Variants in SCFD2 observed in about 807,000 individuals in gnomAD.
SCFD2 encodes sec1 family domain-containing protein 2.
Under a neutral mutation model 58.9 loss-of-function variants are expected in SCFD2, and 54 were observed. The observed-to-expected ratio is 0.92, with a 90% confidence interval of 0.74 to 1.15. The LOEUF (loss-of-function observed/expected upper bound fraction) is 1.15, where lower values mean the gene tolerates loss of function less well. Ranked by LOEUF, SCFD2 falls within the 50% of genes most tolerant of loss-of-function variation. The pLI, the probability that SCFD2 is intolerant of heterozygous loss-of-function variation, is 0.00. For synonymous variants in SCFD2, 321 were observed against 335.9 expected (o/e 0.96, Z 0.49); for missense variants, 805 against 836.6 (o/e 0.96, Z 0.47).
At chr4:53,251,584 A>C (rs981670156) in intron 4 of SCFD2, among the ~76,000 whole-genome samples, 9 of 152,120 alleles carry the variant, frequency 5.9e-5, no homozygotes, top group South Asian at 4.1e-4. Flanking sequence ...TCAATATATG[A>C]AAATCAATAA....
chr4:53,032,120 G>T (rs1198569551), intron 5 of SCFD2, among the ~76,000 whole-genome samples: 3 of 152,230 alleles, frequency 2.0e-5, no homozygotes, highest in African/African-American at 7.2e-5. Context: ...CCAGAAGAGA[G>T]TGGGGGCCAA....
intron 4 of SCFD2, among the ~76,000 whole-genome samples, chr4:53,186,082 C>A (rs1727728661): frequency 6.6e-6 from 1 of 152,268 alleles, no homozygotes; most frequent in East Asian, 1.9e-4. Flanking sequence ...TAGGTCTTGA[C>A]TGCATGCCAG....
Position 52,934,318 on chromosome 4 carries a change from C to T in SCFD2, c.1562-13448G>A, listed in dbSNP as rs146276330. Among the ~76,000 whole-genome samples, 985 of 152,306 alleles carry T rather than the reference C, an allele frequency of 6.5e-3. 14 individuals are homozygous for T. Among genetic ancestry groups the T allele is most frequent in the Middle Eastern group, 0.041 (12 of 294 alleles). On this transcript the variant is annotated intron_variant, in intron 5 of 8. Coordinates refer to ENST00000401642, the MANE Select transcript of SCFD2 (RefSeq NM_152540.4). ...GCCCCCCAAGTTGCCACAATGGTTT[C>T]ACTGTGAGCTCATAAAAAGAGACAG...
intron 3 of SCFD2, among the ~76,000 whole-genome samples, chr4:53,283,789 T>A (rs1731577294): frequency 6.6e-6 from 1 of 151,886 alleles, no homozygotes; most frequent in African/African-American, 2.4e-5. Context: ...GTTGTCCAGT[T>A]ACATTTGCTT....
At chr4:52,944,280 C>T (rs1720364980) in intron 5 of SCFD2, among the ~76,000 whole-genome samples, 1 of 152,120 alleles carries the variant, frequency 6.6e-6, no homozygotes, top group Non-Finnish European at 1.5e-5. Context: ...TTCCATACTG[C>T]AGAAATGTTA....
chr4:53,170,834 C>T (rs73143488), intron 4 of SCFD2, among the ~76,000 whole-genome samples: 5,802 of 152,000 alleles, frequency 0.038, 387 homozygotes, highest in African/African-American at 0.13. Flanking sequence ...TGTTAGTTAG[C>T]TGTTGGTGTA....
At chr4:53,138,421 G>A (rs2148905748) in intron 5 of SCFD2, among the ~76,000 whole-genome samples, 1 of 152,264 alleles carries the variant, frequency 6.6e-6, no homozygotes, top group South Asian at 2.1e-4. Context: ...GTTCTCTGAA[G>A]AAAATTCAAA....
chr4:53,234,252 G>C (rs1246998498), intron 4 of SCFD2, among the ~76,000 whole-genome samples: 1 of 152,184 alleles, frequency 6.6e-6, no homozygotes, highest in East Asian at 1.9e-4. Flanking sequence ...TTATTACACA[G>C]ACTGAAACAG....
chr4:53,306,305 C>T (rs1378077191), intron 3 of SCFD2, among the ~76,000 whole-genome samples: 1 of 152,018 alleles, frequency 6.6e-6, no homozygotes, highest in Non-Finnish European at 1.5e-5. Flanking sequence ...ATATCTACAA[C>T]CTTCTAGGAA....
At chr4:52,966,340 G>A (rs1308514337) in intron 5 of SCFD2, among the ~76,000 whole-genome samples, 1 of 152,204 alleles carries the variant, frequency 6.6e-6, no homozygotes, top group Non-Finnish European at 1.5e-5. Context: ...GTAAGCACAG[G>A]TCACTTGATG....
chr4:53,344,677 T>A (rs1275995622), intron 2 of SCFD2, among the ~76,000 whole-genome samples: 1 of 152,170 alleles, frequency 6.6e-6, no homozygotes, highest in Non-Finnish European at 1.5e-5. Context: ...GCTGGAGACA[T>A]CACACTACCT....
intron 2 of SCFD2, among the ~76,000 whole-genome samples, chr4:53,351,649 G>C (rs1350164735): frequency 6.6e-6 from 1 of 152,140 alleles, no homozygotes; most frequent in Admixed American, 6.5e-5. Flanking sequence ...TGGGTTTGTA[G>C]AGCTGCAAGC....
chr4:53,313,857 G>A (rs1431148650), intron 2 of SCFD2, 94 bp from the exon 3 acceptor site: 2 of 1,213,764 alleles, frequency 1.6e-6, no homozygotes, highest in Non-Finnish European at 2.4e-6. Context: ...ATATTTTTGA[G>A]CATTAATGTA....
intron 3 of SCFD2, among the ~76,000 whole-genome samples, chr4:53,292,340 TA>T (rs1731869742): frequency 6.6e-6 from 1 of 152,048 alleles, no homozygotes; most frequent in Admixed American, 6.6e-5. Flanking sequence ...ACAAGGATAT[TA>T]AACAAATTTA....
At chr4:52,894,899 C>A (rs779010011) in intron 7 of SCFD2, among the ~76,000 whole-genome samples, 6 of 152,084 alleles carry the variant, frequency 3.9e-5, no homozygotes, top group African/African-American at 1.4e-4. Context: ...GTTTCTTATC[C>A]GGAAGTATTT....
intron 5 of SCFD2, among the ~76,000 whole-genome samples, chr4:52,970,340 G>T (rs1721066565): frequency 6.6e-6 from 1 of 152,252 alleles, no homozygotes; most frequent in Non-Finnish European, 1.5e-5. Flanking sequence ...TTTTCCTACA[G>T]TCTTAGCAAA....
intron 1 of SCFD2, among the ~76,000 whole-genome samples, chr4:53,359,075 A>G (rs1734479066): frequency 6.6e-6 from 1 of 152,194 alleles, no homozygotes; most frequent in Non-Finnish European, 1.5e-5. Flanking sequence ...CTCAATAAAT[A>G]TTTGTTAAAA....
intron 5 of SCFD2, among the ~76,000 whole-genome samples, chr4:53,142,803 A>G (rs140136898): frequency 5.1e-4 from 77 of 152,326 alleles, no homozygotes; most frequent in African/African-American, 1.8e-3. Context: ...AAGTAAGTCT[A>G]TCTTCAGAAA....
intron 5 of SCFD2, among the ~76,000 whole-genome samples, chr4:52,966,069 A>T (rs921229364): frequency 2.0e-5 from 3 of 152,194 alleles, no homozygotes; most frequent in African/African-American, 7.2e-5. Context: ...GATTTATAGG[A>T]TCAACCCTTG....
Sources: gnomAD v4.1 joint callset for allele counts (sites outside exome capture counted in the v4.1 genomes callset) on GRCh38, gnomAD v4.1.1 for gene constraint, MANE v1.5 for transcripts, NCBI Gene and HGNC (gene_info 2026-07-23, HGNC 2026-07-21) for gene names.